The following RBFOX3 variants were observed in gnomAD, a reference collection of about 807,000 sequenced individuals.
RBFOX3 encodes RNA binding protein fox-1 homolog 3.
In RBFOX3, 17 loss-of-function variants were observed where a neutral mutation model predicts 48.7. That is an observed-to-expected ratio of 0.35 (90% CI 0.24 to 0.52). RBFOX3 has a LOEUF of 0.52. RBFOX3 is among the 20% of genes least tolerant of loss of function. RBFOX3 has a pLI of 0.94. For synonymous variants in RBFOX3, 212 were observed against 209.5 expected (o/e 1.01, Z -0.10); for missense variants, 382 against 497.5 (o/e 0.77, Z 2.21).
chr17:79,468,587 A>AATGG (rs797028492), intron 2 of RBFOX3, among the ~76,000 whole-genome samples: 6,747 of 145,824 alleles, frequency 0.046, 506 homozygotes, highest in African/African-American at 0.16. Context: ...TGAATGAATG[A>AATGG]ATGGATGGAT....
At chr17:79,337,828 T>C (rs2081427270) in intron 2 of RBFOX3, among the ~76,000 whole-genome samples, 1 of 152,100 alleles carries the variant, frequency 6.6e-6, no homozygotes, top group African/African-American at 2.4e-5. Context: ...ATATGTCACA[T>C]ACACACACAC....
At chr17:79,174,691 T>C (rs767771064) in intron 4 of RBFOX3, among the ~76,000 whole-genome samples, 48 of 151,600 alleles carry the variant, frequency 3.2e-4, no homozygotes, top group South Asian at 8.4e-4. Context: ...CACACTCACA[T>C]GCACTTGCAC....
At chr17:79,442,579 A>C (rs1345804166) in intron 2 of RBFOX3, among the ~76,000 whole-genome samples, 1 of 152,020 alleles carries the variant, frequency 6.6e-6, no homozygotes, top group Admixed American at 6.5e-5. Flanking sequence ...CAAAGGACAA[A>C]CCCAGAGGAG....
At chr17:79,449,896 T>G (rs143921226) in intron 2 of RBFOX3, among the ~76,000 whole-genome samples, 1 of 152,316 alleles carries the variant, frequency 6.6e-6, no homozygotes, top group Non-Finnish European at 1.5e-5. Flanking sequence ...GGTCAGCATA[T>G]TTCCATCTTC....
chr17:79,428,821 C>T (rs1555726936), intron 2 of RBFOX3, among the ~76,000 whole-genome samples: 1 of 152,222 alleles, frequency 6.6e-6, no homozygotes. Context: ...GATGGGTAAC[C>T]ATCGGTCTAA....
At chr17:79,377,640 G>A (rs937117755) in intron 2 of RBFOX3, among the ~76,000 whole-genome samples, 2 of 152,224 alleles carry the variant, frequency 1.3e-5, no homozygotes, top group Non-Finnish European at 2.9e-5. Context: ...ACGGCATTGT[G>A]TCCACGGGGG....
At chr17:79,201,134 T>A (rs1251921063) in intron 4 of RBFOX3, among the ~76,000 whole-genome samples, 1 of 152,020 alleles carries the variant, frequency 6.6e-6, no homozygotes, top group African/African-American at 2.4e-5. Context: ...GTGCATCAGA[T>A]CATCCGGATC....
At chr17:79,545,861 C>T (rs1334578883) in intron 1 of RBFOX3, among the ~76,000 whole-genome samples, 1 of 152,244 alleles carries the variant, frequency 6.6e-6, no homozygotes, top group Non-Finnish European at 1.5e-5. Context: ...ACTCGGCTCA[C>T]TCCATTTCTT....
At chr17:79,579,556 C>A (rs984896666) in intron 1 of RBFOX3, among the ~76,000 whole-genome samples, 1 of 151,998 alleles carries the variant, frequency 6.6e-6, no homozygotes, top group Admixed American at 6.6e-5. Flanking sequence ...GCATCCAGCA[C>A]GCGCGAGTGA....
intron 4 of RBFOX3, among the ~76,000 whole-genome samples, chr17:79,218,755 A>G (rs1202648054): frequency 6.6e-6 from 1 of 152,166 alleles, no homozygotes; most frequent in East Asian, 1.9e-4. Context: ...CTGGCCTTGA[A>G]GAATGAGGAG....
At position 79,242,527 on chromosome 17, in the gene RBFOX3, C is replaced by T. The variant is rs1022818100; in HGVS notation, c.-73-6722G>A. Among the ~76,000 whole-genome samples the T allele has an allele frequency of 1.3e-4, 19 of 151,554 alleles. No individual in the cohort carries two copies. The highest frequency in any genetic ancestry group is 4.1e-4 in the African/African-American group (17 of 41,154). On this transcript the variant is annotated intron_variant, in intron 3 of 14. Coordinates refer to ENST00000693108, the MANE Select transcript of RBFOX3 (RefSeq NM_001350451.2). This position sits in a 1 kb window ranked among gnomAD's most constrained non-coding sequence, Gnocchi z 5.8. ...CCTCCTTCTTCTGAATAGAAATTTGCCTTTAGAGAGGAAAGGAGGGGAGAG... is the reference window on the plus strand; with the variant it reads ...CCTCCTTCTTCTGAATAGAAATTTGTCTTTAGAGAGGAAAGGAGGGGAGAG...
chr17:79,377,061 C>A (rs1421894416), intron 2 of RBFOX3, among the ~76,000 whole-genome samples: 1 of 152,114 alleles, frequency 6.6e-6, no homozygotes, highest in African/African-American at 2.4e-5. Context: ...CCGCAGTGGG[C>A]AAAACACCCT....
At chr17:79,599,668 G>C (rs2093657487) in intron 1 of RBFOX3, 1 of 152,256 alleles carries the variant, frequency 6.6e-6, no homozygotes, top group Admixed American at 6.5e-5. Context: ...AGAGGCAAAG[G>C]GCTGGGCTAC....
chr17:79,500,045 C>G (rs1005859877), intron 1 of RBFOX3, among the ~76,000 whole-genome samples: 1 of 152,108 alleles, frequency 6.6e-6, no homozygotes, highest in Non-Finnish European at 1.5e-5. Context: ...CGAGAAGAAG[C>G]CTTGTATGTT....
At chr17:79,422,570 G>T (rs1302747100) in intron 2 of RBFOX3, among the ~76,000 whole-genome samples, 1 of 152,228 alleles carries the variant, frequency 6.6e-6, no homozygotes, top group African/African-American at 2.4e-5. Flanking sequence ...CAGACACTCG[G>T]TCTGGGCAAG....
chr17:79,227,771 C>T (rs1470549662), intron 4 of RBFOX3, among the ~76,000 whole-genome samples: 1 of 152,182 alleles, frequency 6.6e-6, no homozygotes, highest in Non-Finnish European at 1.5e-5. Flanking sequence ...AATCCAGGGG[C>T]AGGGGAAGGT....
At chr17:79,178,622 C>T (rs769852931) in intron 4 of RBFOX3, among the ~76,000 whole-genome samples, 1 of 152,184 alleles carries the variant, frequency 6.6e-6, no homozygotes, top group Admixed American at 6.5e-5. Context: ...CCAGAACAAA[C>T]GTCAGCTGCC....
intron 9 of RBFOX3, chr17:79,099,112 G>A (rs1452773375): frequency 6.6e-6 from 1 of 152,412 alleles, no homozygotes; most frequent in Non-Finnish European, 1.5e-5. Flanking sequence ...TCCCAGGTTA[G>A]GAAGGAAGAA....
intron 2 of RBFOX3, among the ~76,000 whole-genome samples, chr17:79,365,825 A>G (rs1430635532): frequency 6.6e-6 from 1 of 152,248 alleles, no homozygotes; most frequent in Non-Finnish European, 1.5e-5. Flanking sequence ...TCAAGGGGCT[A>G]TAGTGTCTGC....
Sources: allele counts gnomAD v4.1 joint callset (sites outside exome capture counted in the v4.1 genomes callset), GRCh38; gene constraint gnomAD v4.1.1; non-coding constraint Gnocchi (gnomAD v3.1); transcripts MANE v1.5; gene names NCBI Gene and HGNC (gene_info 2026-07-23, HGNC 2026-07-21).